MACROH2A1: variants seen among roughly 807,000 people sequenced by gnomAD.
MACROH2A1 encodes the protein core histone macro-H2A.1.
Under a neutral mutation model 31.6 loss-of-function variants are expected in MACROH2A1, and 2 were observed. The observed-to-expected ratio is 0.06, with a 90% CI of 0.03 to 0.20. MACROH2A1 has a LOEUF of 0.20. MACROH2A1 is among the 10% of genes least tolerant of loss of function. The probability of loss-of-function intolerance (pLI) is 1.00; values close to 1 mark genes in which losing one functional copy is unlikely to be tolerated. For missense variants in MACROH2A1, 230 were observed against 474.0 expected (o/e 0.49, Z 4.78); for synonymous variants, 169 against 189.6 (o/e 0.89, Z 0.89).
rs1191245052 is a variant in MACROH2A1, at chr5:135,369,383, T to C, written c.477+23A>G. On this transcript the variant is annotated intron_variant, in intron 4 of 8. Coordinates refer to ENST00000511689, the MANE Select transcript of MACROH2A1 (RefSeq NM_138610.3). The surrounding 1 kb of genome is among the most constrained non-coding windows in gnomAD (Gnocchi z 4.3). ...CCGTACCCCATCCTATCCCACTTCA[T>C]ACATTCTGGCCAAATCACATACCTT... The C allele has an allele frequency of 2.5e-6, 4 of 1,600,816 alleles. No individual in the cohort carries two copies. The highest frequency in any genetic ancestry group is 3.4e-6 in the Non-Finnish European group (4 of 1,168,074).
At chr5:135,377,588 T>C (rs955719036) in intron 2 of MACROH2A1, among the ~76,000 whole-genome samples, 2 of 152,084 alleles carry the variant, frequency 1.3e-5, no homozygotes, top group African/African-American at 4.8e-5. Context: ...GGGCTACACA[T>C]GTTCATCAAG....
chr5:135,395,635 AT>A (rs990513451), intron 1 of MACROH2A1, among the ~76,000 whole-genome samples: 1 of 152,102 alleles, frequency 6.6e-6, no homozygotes, highest in Non-Finnish European at 1.5e-5. Flanking sequence ...ATCACACCAA[AT>A]GATTAACGGT....
At chr5:135,387,248 C>A (rs967230966) in intron 2 of MACROH2A1, among the ~76,000 whole-genome samples, 2 of 152,206 alleles carry the variant, frequency 1.3e-5, no homozygotes, top group East Asian at 3.8e-4. Flanking sequence ...ATGCTTAGTT[C>A]ACATTACCAG....
chr5:135,336,630 G>C (rs1758740399), intron 8 of MACROH2A1, among the ~76,000 whole-genome samples: 1 of 142,038 alleles, frequency 7.0e-6, no homozygotes, highest in African/African-American at 3.1e-5. Flanking sequence ...GGGAGACCCT[G>C]GTGATTCTAG....
At chr5:135,355,103 G>A (rs1412640772) in intron 5 of MACROH2A1, 7 of 455,850 alleles carry the variant, frequency 1.5e-5, no homozygotes, top group Admixed American at 2.4e-5. Context: ...CTATTTTGGC[G>A]GGCTCTGCTT....
Position 135,346,104 on chromosome 5 carries a change from C to T in MACROH2A1, c.689-47G>A, listed in dbSNP as rs775443375. The T allele has an allele frequency of 2.9e-6, 3 of 1,036,316 alleles. No homozygotes were observed. The Admixed American group carries it at 5.1e-5, about 17-fold the overall frequency. The allele number at this position is 1,036,316 out of a possible 1,614,324, so 64.2% of individuals were successfully genotyped here. The stretch of plus-strand genomic sequence containing the variant: ...TCAGGTTGCCATTCTGTGTCTCCGG[C>T]ACACACAGACACTTAGCATGTCAGG... On this transcript the variant is annotated intron_variant, in intron 6 of 8. Coordinates refer to ENST00000511689, the MANE Select transcript of MACROH2A1 (RefSeq NM_138610.3).
At chr5:135,381,349 T>A (rs187325834) in intron 2 of MACROH2A1, among the ~76,000 whole-genome samples, 18 of 152,170 alleles carry the variant, frequency 1.2e-4, no homozygotes, top group Admixed American at 2.6e-4. Context: ...CAGAAATAGA[T>A]GCAAAGACTC....
chr5:135,381,424 T>C (rs1221463044), intron 2 of MACROH2A1, among the ~76,000 whole-genome samples: 1 of 151,982 alleles, frequency 6.6e-6, no homozygotes, highest in South Asian at 2.1e-4. Context: ...TAAATAAAAC[T>C]TAAAATGAAG....
intron 1 of MACROH2A1, among the ~76,000 whole-genome samples, chr5:135,396,252 T>A (rs1271482633): frequency 2.0e-5 from 3 of 152,208 alleles, no homozygotes; most frequent in Non-Finnish European, 4.4e-5. Context: ...AGTTAAAGTG[T>A]GGGCTTCACA....
intron 2 of MACROH2A1, among the ~76,000 whole-genome samples, chr5:135,383,175 T>TTA (rs1765883720): frequency 6.6e-6 from 1 of 152,242 alleles, no homozygotes; most frequent in Non-Finnish European, 1.5e-5. Context: ...CAGTGAATGT[T>TTA]TATCCACCAT....
chr5:135,348,499 C>T (rs1235060682), intron 6 of MACROH2A1, among the ~76,000 whole-genome samples: 22 of 152,248 alleles, frequency 1.4e-4, no homozygotes, highest in Admixed American at 1.4e-3. Context: ...AAGTTAATCA[C>T]TGGGGCTAAG....
At chr5:135,374,625 TCTTGCA>T (rs1764615749) in intron 2 of MACROH2A1, among the ~76,000 whole-genome samples, 1 of 152,238 alleles carries the variant, frequency 6.6e-6, no homozygotes, top group East Asian at 1.9e-4. Context: ...GAGGGTGGGT[TCTTGCA>T]CTCAATTCAT....
At chr5:135,342,556 G>A (rs1760070128) in intron 8 of MACROH2A1, among the ~76,000 whole-genome samples, 1 of 152,230 alleles carries the variant, frequency 6.6e-6, no homozygotes, top group African/African-American at 2.4e-5. Flanking sequence ...CTTCTCCTGT[G>A]GTGGTCCTCC....
chr5:135,395,210 C>T (rs796634), intron 1 of MACROH2A1, among the ~76,000 whole-genome samples: 7,757 of 152,274 alleles, frequency 0.051, 253 homozygotes, highest in African/African-American at 0.082. Context: ...ACCTTCCTCA[C>T]ATCTATAAGA....
At chr5:135,342,623 AC>A (rs1275428345) in intron 8 of MACROH2A1, among the ~76,000 whole-genome samples, 2 of 152,144 alleles carry the variant, frequency 1.3e-5, no homozygotes, top group Non-Finnish European at 2.9e-5. Context: ...TGGTGAGTCT[AC>A]CTGGGGATTT....
intron 4 of MACROH2A1, chr5:135,362,639 T>TA (rs1762984880): frequency 6.6e-6 from 1 of 152,284 alleles, no homozygotes; most frequent in East Asian, 1.9e-4. Context: ...CCCAGCCCAT[T>TA]ACAAGATGTT....
chr5:135,354,677 C>A, intron 5 of MACROH2A1: 1 of 222,050 alleles, frequency 4.5e-6, no homozygotes, highest in South Asian at 6.3e-5. Flanking sequence ...TGGGGCCTGA[C>A]TGCTGCCACT....
intron 1 of MACROH2A1, among the ~76,000 whole-genome samples, chr5:135,392,891 G>A (rs1374527826): frequency 1.3e-5 from 2 of 152,194 alleles, no homozygotes; most frequent in Non-Finnish European, 2.9e-5. Context: ...GCCTCAAAGA[G>A]TTGGTGGCAG....
chr5:135,389,077 C>A lies in MACROH2A1; in HGVS notation c.17G>T (p.Gly6Val), dbSNP rs1432032607. ...GGACGTCTTGGTGGACTTCTTCTTC[C>A]CACCGCGGCTCGACATGGCGGTGGC... MSSRG[G>V]KKKSTKTSRS... Residue 6 changes from glycine (G) to valine (V), a missense_variant, in exon 2 of 9, where the codon GGG becomes GTG. By Grantham distance (109) the Gly-to-Val change is moderately radical. Around this residue, in one of 2 missense-constraint regions of MACROH2A1, gnomAD observed 47 missense variants for 154.7 expected, o/e 0.30. Coordinates refer to ENST00000511689, the MANE Select transcript of MACROH2A1 (RefSeq NM_138610.3). 1.9e-6 allele frequency: 3 copies of A among 1,613,394 alleles called. No individual in the cohort carries two copies. Among genetic ancestry groups the A allele is most frequent in the Non-Finnish European group, 2.5e-6 (3 of 1,179,368 alleles).
Sources: allele counts gnomAD v4.1 joint callset (sites outside exome capture counted in the v4.1 genomes callset), GRCh38; gene constraint gnomAD v4.1.1; regional missense constraint gnomAD v4.1.1; non-coding constraint Gnocchi (gnomAD v3.1); transcripts MANE v1.5; gene names NCBI Gene and HGNC (gene_info 2026-07-23, HGNC 2026-07-21).